TRPM3: variants seen among roughly 807,000 people sequenced by gnomAD.
TRPM3 encodes the protein long transient receptor potential channel 3.
In TRPM3, 77 loss-of-function variants were observed where a neutral mutation model predicts 181.2. The ratio of observed to expected loss-of-function variants is 0.42; its 90% confidence interval spans 0.35 to 0.51. The LOEUF is 0.51. Ranked by LOEUF, TRPM3 falls within the 20% of genes least tolerant of loss-of-function variation. The pLI, the probability that TRPM3 is intolerant of heterozygous loss-of-function variation, is 0.01. For missense variants in TRPM3, 1,759 were observed against 2,196.7 expected (o/e 0.80, Z 3.98); for synonymous variants, 745 against 796.4 (o/e 0.94, Z 1.09).
At chr9:71,420,637 AAGAG>A (rs1317884324) in intron 1 of TRPM3, among the ~76,000 whole-genome samples, 17 of 134,874 alleles carry the variant, frequency 1.3e-4, no homozygotes, top group East Asian at 2.0e-4. Flanking sequence ...GAAAAAGAAA[AAGAG>A]AGAGAAAGAG....
rs1040664104 is a variant in TRPM3, at chr9:71,194,004, T to C, written c.183+252649A>G. 6.6e-5 allele frequency among the ~76,000 whole-genome samples: 10 copies of C among 152,062 alleles called. No individual in the cohort carries two copies. In the South Asian group the frequency reaches 1.9e-3, roughly 28 times the overall value. On this transcript the variant is annotated intron_variant, in intron 1 of 24. Coordinates refer to the TRPM3 transcript ENST00000357533. ...GCATACACATATACAAATTTTAAAA[T>C]GAAAAATAATCCTTTTTACAAGTAT...
chr9:70,693,630 T>C (rs1465259657), intron 8 of TRPM3, among the ~76,000 whole-genome samples: 1 of 152,184 alleles, frequency 6.6e-6, no homozygotes, highest in Non-Finnish European at 1.5e-5. Flanking sequence ...CATGAAGGTA[T>C]CATAAAGTGC....
At chr9:71,240,874 T>C (rs2131964388) in intron 1 of TRPM3, among the ~76,000 whole-genome samples, 1 of 152,244 alleles carries the variant, frequency 6.6e-6, no homozygotes, top group African/African-American at 2.4e-5. Flanking sequence ...AGGGATAAAA[T>C]TTTAATTGAA....
intron 1 of TRPM3, among the ~76,000 whole-genome samples, chr9:71,223,583 G>A (rs1378289208): frequency 6.6e-6 from 1 of 152,218 alleles, no homozygotes; most frequent in Admixed American, 6.5e-5. Flanking sequence ...CAGTGAGGCA[G>A]AGCATCAAGC....
At position 71,273,594 on chromosome 9, in the gene TRPM3, C is replaced by T. The variant is rs2083967406; in HGVS notation, c.183+173059G>A. Among the ~76,000 whole-genome samples the T allele has an allele frequency of 2.6e-5, 4 of 152,120 alleles. No homozygotes were observed. In the South Asian group the frequency reaches 8.3e-4, roughly 32 times the overall value. ...AAGGCTATACATTAAGGTTATAACA[C>T]CAAAAGGAAGGCTTTATGCGACTCT... On this transcript the variant is annotated intron_variant, in intron 1 of 24. Coordinates refer to the TRPM3 transcript ENST00000357533.
chr9:71,362,922 T>G (rs1424944407), intron 1 of TRPM3, among the ~76,000 whole-genome samples: 2 of 152,210 alleles, frequency 1.3e-5, no homozygotes, highest in Non-Finnish European at 2.9e-5. Flanking sequence ...CCTAGTGGTA[T>G]TTCATTGGGA....
chr9:71,083,903 CT>C (rs1403635494), intron 1 of TRPM3, among the ~76,000 whole-genome samples: 1 of 151,790 alleles, frequency 6.6e-6, no homozygotes, highest in Non-Finnish European at 1.5e-5. Context: ...TTTTAACCAA[CT>C]TTTTCTTCCA....
At chr9:70,758,954 T>A (rs563104551) in intron 8 of TRPM3, among the ~76,000 whole-genome samples, 1 of 152,110 alleles carries the variant, frequency 6.6e-6, no homozygotes, top group East Asian at 1.9e-4. Context: ...TCAAAAGCAA[T>A]GGCAACACAA....
chr9:70,595,022 T>A (rs535816310), intron 21 of TRPM3, among the ~76,000 whole-genome samples: 2 of 152,346 alleles, frequency 1.3e-5, no homozygotes, highest in Non-Finnish European at 2.9e-5. Context: ...TATTCTTGAC[T>A]GATAAATGAA....
intron 1 of TRPM3, among the ~76,000 whole-genome samples, chr9:71,380,418 G>C (rs527270550): frequency 6.6e-6 from 1 of 152,102 alleles, no homozygotes; most frequent in Non-Finnish European, 1.5e-5. Context: ...CCAACTCTCA[G>C]CACCACATCT....
chr9:70,760,917 T>TA (rs1016444646), intron 8 of TRPM3: 12 of 152,610 alleles, frequency 7.9e-5, no homozygotes, highest in African/African-American at 2.9e-4. Context: ...ATGAGGGTAA[T>TA]AATTGTACCT....
At chr9:70,974,367 A>G (rs1286500562) in intron 1 of TRPM3, among the ~76,000 whole-genome samples, 8 of 152,030 alleles carry the variant, frequency 5.3e-5, no homozygotes, top group African/African-American at 1.7e-4. Context: ...GTGAAACCCC[A>G]TCTCTACTAA....
chr9:71,006,476 A>T (rs2097674997), intron 1 of TRPM3, among the ~76,000 whole-genome samples: 1 of 152,202 alleles, frequency 6.6e-6, no homozygotes, highest in African/African-American at 2.4e-5. Context: ...TGATACACAC[A>T]TATTGAAAGT....
chr9:70,603,373 A>G lies in TRPM3; in HGVS notation c.2765T>C (p.Ile922Thr). ...CATCTTTTCTATTCCCAGGGTGAAA[A>G]TATAGGAGATTACGATCCATTCCTG... is the stretch of plus-strand genomic sequence containing the variant. ...STQEWIVISY[I>T]FTLGIEKMRE... Residue 922 changes from isoleucine to threonine, a missense_variant, in exon 20 of 26, where the codon ATT (isoleucine) becomes ACT (threonine). Transcript: ENST00000677713. 3 of 1,613,986 alleles carry G rather than the reference A, an allele frequency of 1.9e-6. No individual in the cohort carries two copies. The highest frequency in any genetic ancestry group is 2.5e-6 in the Non-Finnish European group (3 of 1,179,954).
intron 1 of TRPM3, among the ~76,000 whole-genome samples, chr9:70,962,158 T>G (rs1006619167): frequency 2.0e-5 from 3 of 152,074 alleles, no homozygotes; most frequent in African/African-American, 4.8e-5. Context: ...ACTTTAGAAC[T>G]TATATTGAGG....
At chr9:71,428,814 T>TACCTTATAATCATC (rs1481567632) in intron 1 of TRPM3, among the ~76,000 whole-genome samples, 3 of 152,080 alleles carry the variant, frequency 2.0e-5, no homozygotes, top group African/African-American at 7.2e-5. Context: ...AATCCTTGAG[T>TACCTTATAATCATC]AGGTACTGAA....
At chr9:70,673,714 G>A (rs1424977204) in intron 9 of TRPM3, among the ~76,000 whole-genome samples, 1 of 152,130 alleles carries the variant, frequency 6.6e-6, no homozygotes, top group Admixed American at 6.6e-5. Context: ...AGATCACAAT[G>A]TCAGGAGTTC....
intron 8 of TRPM3, among the ~76,000 whole-genome samples, chr9:70,743,575 T>C (rs2074561077): frequency 6.6e-6 from 1 of 152,078 alleles, no homozygotes; most frequent in Admixed American, 6.6e-5. Context: ...GGTTACATTA[T>C]GAGAGTTGCT....
At chr9:70,592,396 G>C (rs2058275413) in intron 21 of TRPM3, among the ~76,000 whole-genome samples, 1 of 152,192 alleles carries the variant, frequency 6.6e-6, no homozygotes, top group Admixed American at 6.5e-5. Flanking sequence ...CATAGTATTT[G>C]TATCTGACGC....
Sources: gnomAD v4.1 joint callset for allele counts (sites outside exome capture counted in the v4.1 genomes callset) on GRCh38, gnomAD v4.1.1 for gene constraint, MANE v1.5 for transcripts, NCBI Gene and HGNC (gene_info 2026-07-23, HGNC 2026-07-21) for gene names.